Variants in CMTM4 observed in about 807,000 individuals in gnomAD.
The protein encoded by CMTM4 is CKLF like MARVEL transmembrane domain containing 4.
In CMTM4, 8 loss-of-function variants were observed where a neutral mutation model predicts 19.0. The ratio of observed to expected loss-of-function variants is 0.42; its 90% CI spans 0.25 to 0.76. The LOEUF (loss-of-function observed/expected upper bound fraction) is 0.76, where lower values mean the gene tolerates loss of function less well. CMTM4 is among the 30% of genes least tolerant of loss of function. CMTM4 has a pLI of 0.27. For missense variants in CMTM4, 228 were observed against 290.2 expected (o/e 0.79, Z 1.56); for synonymous variants, 106 against 121.1 (o/e 0.88, Z 0.82).
intron 1 of CMTM4, among the ~76,000 whole-genome samples, chr16:66,693,716 T>C (rs2017178923): frequency 6.6e-6 from 1 of 152,106 alleles, no homozygotes. Context: ...CAAAAGTTCT[T>C]CCGGATGAAA....
At chr16:66,613,062 G>A (rs371051186), downstream of CMTM4, 11 of 702,988 alleles carry the variant, frequency 1.6e-5, no homozygotes, top group Middle Eastern at 1.6e-3. Context: ...GCCCCGCCAG[G>A]CCCCGGTGGG....
intron 2 of CMTM4, among the ~76,000 whole-genome samples, chr16:66,626,856 T>C (rs1156702532): frequency 6.6e-6 from 1 of 151,546 alleles, no homozygotes; most frequent in African/African-American, 2.4e-5. Context: ...ATCCCAACAC[T>C]TGGGAGGCTG....
chr16:66,623,097 A>G (rs1195574376), intron 3 of CMTM4, among the ~76,000 whole-genome samples: 1 of 152,198 alleles, frequency 6.6e-6, no homozygotes, highest in Admixed American at 6.5e-5. Flanking sequence ...TTGGAAACGA[A>G]CCAAAGCAGG....
intron 3 of CMTM4, among the ~76,000 whole-genome samples, chr16:66,623,018 G>A (rs1198167413): frequency 6.6e-6 from 1 of 152,136 alleles, no homozygotes; most frequent in Non-Finnish European, 1.5e-5. Flanking sequence ...CTGCTAAATG[G>A]TGTCATGACT....
At chr16:66,625,644 G>A (rs1360008362) in intron 2 of CMTM4, among the ~76,000 whole-genome samples, 1 of 152,078 alleles carries the variant, frequency 6.6e-6, no homozygotes, top group Non-Finnish European at 1.5e-5. Flanking sequence ...CATGATCTGA[G>A]GCTAAGAAAC....
rs2144779760 is a variant in CMTM4 at position 66,621,507 on chromosome 16, C to G, written c.*551G>C. The stretch of plus-strand genomic sequence containing the variant: ...TCCTTGAGTCAGAGGTCCCTGGGAG[C>G]CATCCTAACAGGACATCAGCTTTCC... On this transcript the variant is annotated 3_prime_UTR_variant, in exon 4 of 4. Coordinates refer to ENST00000394106, the MANE Select transcript of CMTM4 (RefSeq NM_181521.3). The G allele has an allele frequency of 1.0e-6, 1 of 986,184 alleles. No individual in the cohort carries two copies. The highest frequency in any genetic ancestry group is 1.1e-4 in the East Asian group (1 of 8,814). The allele number at this position is 986,184 out of a possible 1,614,324, so 61.1% of individuals were successfully genotyped here.
At chr16:66,638,800 C>CAGTGAGCTG in intron 1 of CMTM4, among the ~76,000 whole-genome samples, 1 of 151,982 alleles carries the variant, frequency 6.6e-6, no homozygotes. Flanking sequence ...GCGGAGGTTG[C>CAGTGAGCTG]AGTGAGCTGA....
intron 1 of CMTM4, among the ~76,000 whole-genome samples, chr16:66,640,787 A>C (rs975045704): frequency 6.6e-6 from 1 of 152,180 alleles, no homozygotes; most frequent in Non-Finnish European, 1.5e-5. Context: ...TAGACCACTC[A>C]TGATGGGGAA....
intron 1 of CMTM4, among the ~76,000 whole-genome samples, chr16:66,677,179 GTGAGCCA>G (rs1477454001): frequency 6.6e-6 from 1 of 152,218 alleles, no homozygotes; most frequent in East Asian, 1.9e-4. Flanking sequence ...TGAGGCTGCA[GTGAGCCA>G]TGATTGTGTC....
intron 1 of CMTM4, among the ~76,000 whole-genome samples, chr16:66,678,991 T>TG (rs1294155752): frequency 2.0e-5 from 3 of 151,346 alleles, no homozygotes; most frequent in Non-Finnish European, 4.4e-5. Flanking sequence ...CCCAGCTACT[T>TG]GGGGGGCTGA....
At chr16:66,609,322 A>G in the CMTM4 span, 3 of 861,042 alleles carry the variant, frequency 3.5e-6, no homozygotes, top group Non-Finnish European at 5.5e-6. This position sits in a 1 kb window ranked among gnomAD's most constrained non-coding sequence, Gnocchi z 4.4. Context: ...AGGATGGGAT[A>G]GGAGCCCTCA....
At chr16:66,651,227 A>G (rs1449278777) in intron 1 of CMTM4, among the ~76,000 whole-genome samples, 4 of 152,266 alleles carry the variant, frequency 2.6e-5, no homozygotes, top group Admixed American at 6.5e-5. Context: ...GAACTACAGA[A>G]GAGGCACGAA....
chr16:66,602,524 G>GCTT, the CMTM4 span, among the ~76,000 whole-genome samples: 14 of 151,200 alleles, frequency 9.3e-5, no homozygotes, highest in Admixed American at 5.3e-4. Flanking sequence ...GAGCCAATTT[G>GCTT]CTTCTTCTTC....
Position 66,696,679 on chromosome 16 carries a change from G to C in CMTM4, c.-154C>G, listed in dbSNP as rs1453910000. The C allele has an allele frequency of 8.7e-6, 2 of 230,552 alleles. No individual in the cohort carries two copies. Among genetic ancestry groups the C allele is most frequent in the Non-Finnish European group, 1.4e-5 (2 of 142,184 alleles). The allele number at this position is 230,552 out of a possible 1,614,324, so 14.3% of individuals were successfully genotyped here. A position where few individuals can be genotyped will look rare whatever the true frequency, so the allele number is the denominator to read the frequency against. ...CCGCCGCCGCCGCCTCTCGCCCGCC[G>C]CCCGGCTGCGGCTGCGGCTCGGTCC... On this transcript the variant is annotated 5_prime_UTR_variant, in exon 1 of 4. Transcript: ENST00000394106. This position sits in a 1 kb window ranked among gnomAD's most constrained non-coding sequence, Gnocchi z 4.3.
intron 2 of CMTM4, among the ~76,000 whole-genome samples, chr16:66,626,315 T>A (rs1455413943): frequency 2.0e-5 from 3 of 151,956 alleles, no homozygotes; most frequent in African/African-American, 4.8e-5. Context: ...ACTAAAAAAT[T>A]AGCTGTGGCC....
At chr16:66,653,308 T>C (rs1038349367) in intron 1 of CMTM4, among the ~76,000 whole-genome samples, 1 of 152,228 alleles carries the variant, frequency 6.6e-6, no homozygotes, top group Middle Eastern at 3.4e-3. Flanking sequence ...CTGCATATCA[T>C]ACATAAGAGG....
intron 1 of CMTM4, among the ~76,000 whole-genome samples, chr16:66,646,100 G>A (rs941647687): frequency 1.3e-5 from 2 of 152,116 alleles, no homozygotes; most frequent in African/African-American, 4.8e-5. Context: ...CGGGGAAAGG[G>A]TCCAAGGGAT....
downstream of CMTM4, chr16:66,609,900 T>C: frequency 1.9e-6 from 3 of 1,614,184 alleles, no homozygotes; most frequent in Non-Finnish European, 1.7e-6. The surrounding 1 kb of genome is among the most constrained non-coding windows in gnomAD (Gnocchi z 4.4). Flanking sequence ...GCTTCTTTGC[T>C]ACCATCGTGT....
At chr16:66,612,710 T>G (rs531234274), downstream of CMTM4, 1 of 1,486,662 alleles carries the variant, frequency 6.7e-7, no homozygotes, top group Non-Finnish European at 9.4e-7. The surrounding 1 kb of genome is among the most constrained non-coding windows in gnomAD (Gnocchi z 6.0). Flanking sequence ...GTCGCTGGCG[T>G]TGGAGCGGAG....
Sources: allele counts gnomAD v4.1 joint callset (sites outside exome capture counted in the v4.1 genomes callset), GRCh38; gene constraint gnomAD v4.1.1; non-coding constraint Gnocchi (gnomAD v3.1); transcripts MANE v1.5; gene names NCBI Gene and HGNC (gene_info 2026-07-23, HGNC 2026-07-21).